Variants in AGBL1 observed in about 807,000 individuals in gnomAD.
AGBL1 encodes cytosolic carboxypeptidase 4.
AGBL1 carries 130 observed loss-of-function variants against 118.9 expected under a neutral mutation model. That is an observed-to-expected ratio of 1.09 (90% CI 0.95 to 1.26). The LOEUF (loss-of-function observed/expected upper bound fraction) is 1.26, where lower values mean the gene tolerates loss of function less well. Ranked by LOEUF, AGBL1 falls within the 50% of genes most tolerant of loss-of-function variation. The probability of loss-of-function intolerance (pLI) is 0.00; values close to 1 mark genes in which losing one functional copy is unlikely to be tolerated. For synonymous variants in AGBL1, 555 were observed against 478.9 expected, an observed-to-expected ratio of 1.16 and a Z score of -2.08; for missense variants, 1,584 against 1,298.1, an observed-to-expected ratio of 1.22 and a Z score of -3.38.
intron 21 of AGBL1, among the ~76,000 whole-genome samples, chr15:86,660,492 CAG>C (rs1033705734): frequency 4.6e-5 from 7 of 152,232 alleles, no homozygotes; most frequent in South Asian, 2.1e-4. Context: ...TGCTCAAAAA[CAG>C]AGCAAAGTTT....
intron 5 of AGBL1, among the ~76,000 whole-genome samples, chr15:86,161,818 T>C (rs981318340): frequency 2.0e-5 from 3 of 152,238 alleles, no homozygotes; most frequent in African/African-American, 7.2e-5. Flanking sequence ...AGACCTGCTC[T>C]GTAAGCCTCC....
intron 3 of AGBL1, among the ~76,000 whole-genome samples, chr15:86,152,416 A>G (rs183377627): frequency 6.6e-6 from 1 of 152,360 alleles, no homozygotes; most frequent in East Asian, 1.9e-4. Context: ...AAATGGGGAA[A>G]GGATTCCCTA....
At chr15:87,016,828 C>T (rs1283743847) in intron 24 of AGBL1, among the ~76,000 whole-genome samples, 3 of 152,112 alleles carry the variant, frequency 2.0e-5, no homozygotes, top group African/African-American at 7.2e-5. Flanking sequence ...ATCTTTGCAA[C>T]CAGCAGATCA....
At chr15:86,572,086 T>C (rs2084018015) in intron 21 of AGBL1, among the ~76,000 whole-genome samples, 1 of 152,160 alleles carries the variant, frequency 6.6e-6, no homozygotes, top group Admixed American at 6.5e-5. Context: ...GGCTGTGACA[T>C]TGCCCAGGCT....
intron 24 of AGBL1, among the ~76,000 whole-genome samples, chr15:86,992,378 A>T (rs1212646733): frequency 6.6e-6 from 1 of 152,208 alleles, no homozygotes; most frequent in African/African-American, 2.4e-5. Flanking sequence ...ATACTTAGCA[A>T]ATATTTAGTT....
chr15:86,902,833 TTTTAAG>T (rs2141584139), intron 22 of AGBL1, among the ~76,000 whole-genome samples: 1 of 152,280 alleles, frequency 6.6e-6, no homozygotes, highest in African/African-American at 2.4e-5. Flanking sequence ...GCTTTCAAGA[TTTTAAG>T]TTTGTCTTTA....
At chr15:86,833,324 T>C (rs1596532327) in intron 22 of AGBL1, among the ~76,000 whole-genome samples, 1 of 152,146 alleles carries the variant, frequency 6.6e-6, no homozygotes. Context: ...CAACTTGAAT[T>C]GTACCTCCCA....
chr15:86,543,875 C>G (rs1419741500), intron 19 of AGBL1, among the ~76,000 whole-genome samples: 2 of 152,170 alleles, frequency 1.3e-5, no homozygotes, highest in Non-Finnish European at 1.5e-5. Flanking sequence ...CTCATTCAAC[C>G]ATTGTAGGTA....
intron 22 of AGBL1, among the ~76,000 whole-genome samples, chr15:86,892,707 G>C (rs1333808422): frequency 6.6e-6 from 1 of 152,088 alleles, no homozygotes; most frequent in African/African-American, 2.4e-5. Flanking sequence ...ACAGTGCCTA[G>C]TGCTCTTCTC....
intron 18 of AGBL1, among the ~76,000 whole-genome samples, chr15:86,516,325 G>A (rs557668902): frequency 1.3e-5 from 2 of 152,310 alleles, no homozygotes; most frequent in South Asian, 2.1e-4. Flanking sequence ...GAGGAAGGTT[G>A]TGCAGTTCCC....
intron 23 of AGBL1, among the ~76,000 whole-genome samples, chr15:86,933,467 C>T (rs557600915): frequency 6.6e-6 from 1 of 152,188 alleles, no homozygotes; most frequent in Non-Finnish European, 1.5e-5. Context: ...AGATTTGTGA[C>T]TTCCCCAATT....
At chr15:86,330,085 C>A (rs1021511140) in intron 17 of AGBL1, among the ~76,000 whole-genome samples, 1 of 152,220 alleles carries the variant, frequency 6.6e-6, no homozygotes, top group Non-Finnish European at 1.5e-5. Context: ...ATCAAGAGAC[C>A]TTTAGGTGAG....
chr15:86,311,151 C>T (rs1051954168), intron 17 of AGBL1, among the ~76,000 whole-genome samples: 12 of 152,170 alleles, frequency 7.9e-5, no homozygotes, highest in African/African-American at 2.9e-4. Flanking sequence ...TTTGGTTTCC[C>T]TTTGTTCTTG....
chr15:86,577,672 C>T (rs1223061038), intron 21 of AGBL1, among the ~76,000 whole-genome samples: 7 of 152,252 alleles, frequency 4.6e-5, no homozygotes, highest in African/African-American at 1.2e-4. Flanking sequence ...CCAGGGTCCC[C>T]GTGCTGTGTG....
At chr15:86,749,809 C>G (rs1416660190) in intron 22 of AGBL1, among the ~76,000 whole-genome samples, 1 of 152,118 alleles carries the variant, frequency 6.6e-6, no homozygotes, top group Admixed American at 6.6e-5. Flanking sequence ...TGCTGGATTA[C>G]TTTTATTGAT....
At chr15:86,524,369 A>AT (rs1438922428) in intron 19 of AGBL1, among the ~76,000 whole-genome samples, 2 of 152,230 alleles carry the variant, frequency 1.3e-5, no homozygotes, top group Non-Finnish European at 2.9e-5. Flanking sequence ...TTCAGAGGAC[A>AT]CAGATTAAAA....
intron 17 of AGBL1, among the ~76,000 whole-genome samples, chr15:86,382,915 T>G (rs2081131701): frequency 1.3e-5 from 2 of 152,128 alleles, no homozygotes; most frequent in South Asian, 4.1e-4. Flanking sequence ...CGACCTGAAC[T>G]ATGCTAAGCT....
At chr15:86,436,212 C>G (rs1445000710) in intron 18 of AGBL1, among the ~76,000 whole-genome samples, 2 of 148,740 alleles carry the variant, frequency 1.3e-5, no homozygotes, top group Admixed American at 1.4e-4. Context: ...GTAGGGAGAT[C>G]TAGTAGCATC....
At chr15:86,817,075 T>A (rs2078867290) in intron 22 of AGBL1, among the ~76,000 whole-genome samples, 1 of 151,768 alleles carries the variant, frequency 6.6e-6, no homozygotes, top group Non-Finnish European at 1.5e-5. Flanking sequence ...TCACCTGAGG[T>A]CAGGAGTTCG....
Sources: gnomAD v4.1 joint callset for allele counts (sites outside exome capture counted in the v4.1 genomes callset) on GRCh38, gnomAD v4.1.1 for gene constraint, MANE v1.5 for transcripts, NCBI Gene and HGNC (gene_info 2026-07-23, HGNC 2026-07-21) for gene names.